BCKDHB: variants seen among roughly 807,000 people sequenced by gnomAD.
BCKDHB encodes the protein 2-oxoisovalerate dehydrogenase subunit beta, mitochondrial.
Under a neutral mutation model 48.5 loss-of-function variants are expected in BCKDHB, and 41 were observed. The observed-to-expected ratio is 0.85, with a 90% confidence interval of 0.66 to 1.10. The LOEUF (loss-of-function observed/expected upper bound fraction) is 1.10, where lower values mean the gene tolerates loss of function less well. BCKDHB is among the 50% of genes least tolerant of loss of function. The probability of loss-of-function intolerance (pLI) is 0.00; values close to 1 mark genes in which losing one functional copy is unlikely to be tolerated. For synonymous variants in BCKDHB, 201 were observed against 174.8 expected, an observed-to-expected ratio of 1.15 and a Z score of -1.18; for missense variants, 496 against 494.2, an observed-to-expected ratio of 1.00 and a Z score of -0.03.
intron 8 of BCKDHB, among the ~76,000 whole-genome samples, chr6:80,262,022 G>A (rs1777327904): frequency 6.6e-6 from 1 of 152,140 alleles, no homozygotes; most frequent in South Asian, 2.1e-4. Context: ...CACCCAAAGG[G>A]TAGAGCGTGC....
At chr6:80,366,887 G>T in the BCKDHB span, among the ~76,000 whole-genome samples, 1 of 152,230 alleles carries the variant, frequency 6.6e-6, no homozygotes, top group Non-Finnish European at 1.5e-5. Context: ...ACATCTGGCA[G>T]AATTAGGAGG....
the BCKDHB span, among the ~76,000 whole-genome samples, chr6:80,360,601 A>G: frequency 6.6e-6 from 1 of 152,202 alleles, no homozygotes; most frequent in African/African-American, 2.4e-5. Flanking sequence ...TTATTAGAAG[A>G]AATCGACTGG....
the BCKDHB span, among the ~76,000 whole-genome samples, chr6:80,424,924 T>C: frequency 6.6e-6 from 1 of 152,212 alleles, no homozygotes; most frequent in Non-Finnish European, 1.5e-5. Flanking sequence ...GGAAAGCTTG[T>C]CATAGTCTTT....
At chr6:80,360,337 A>G in the BCKDHB span, among the ~76,000 whole-genome samples, 2 of 152,186 alleles carry the variant, frequency 1.3e-5, 1 homozygote, top group South Asian at 4.1e-4. Context: ...TTCACACATC[A>G]TTGTCATTAT....
At chr6:80,128,090 A>G (rs1770436149) in intron 2 of BCKDHB, among the ~76,000 whole-genome samples, 1 of 151,902 alleles carries the variant, frequency 6.6e-6, no homozygotes, top group Non-Finnish European at 1.5e-5. Context: ...TCATTGATAC[A>G]AAACCAATTG....
chr6:80,197,375 T>A (rs993155805), intron 6 of BCKDHB, among the ~76,000 whole-genome samples: 45 of 144,630 alleles, frequency 3.1e-4, no homozygotes, highest in African/African-American at 1.3e-3. Context: ...TAAGAGGAGG[T>A]TTTTTTTTCT....
In BCKDHB at chr6:80,256,293, T is replaced by C. The variant is rs570248024; in HGVS notation, c.952-16842T>C. ...GCAAATATTACAGAGTGTACTTACATGAATCTAGAACCTAGATAGCCTACT... is the reference window on the plus strand; with the variant it reads ...GCAAATATTACAGAGTGTACTTACACGAATCTAGAACCTAGATAGCCTACT... On this transcript the variant is annotated intron_variant, in intron 8 of 9. Transcript: ENST00000320393. 3.3e-5 allele frequency among the ~76,000 whole-genome samples: 5 copies of C among 152,300 alleles called. No homozygotes were observed. In the East Asian group the frequency reaches 9.7e-4, roughly 29 times the overall value.
At chr6:80,219,244 G>T (rs1775305375) in intron 8 of BCKDHB, among the ~76,000 whole-genome samples, 1 of 144,662 alleles carries the variant, frequency 6.9e-6, no homozygotes, top group African/African-American at 2.6e-5. Context: ...TCTTGCTCTT[G>T]TCACGCAGGC....
At chr6:80,414,358 A>G in the BCKDHB span, among the ~76,000 whole-genome samples, 11 of 152,062 alleles carry the variant, frequency 7.2e-5, no homozygotes, top group South Asian at 2.1e-3. Context: ...TCTTCAGGAA[A>G]TATTTTTCAG....
intron 8 of BCKDHB, among the ~76,000 whole-genome samples, chr6:80,270,161 A>G (rs1335558186): frequency 2.6e-5 from 4 of 152,056 alleles, no homozygotes; most frequent in East Asian, 1.9e-4. Context: ...GCATATAACA[A>G]ATTTCTACTA....
the BCKDHB span, among the ~76,000 whole-genome samples, chr6:80,452,157 C>A: frequency 6.6e-6 from 1 of 152,162 alleles, no homozygotes; most frequent in African/African-American, 2.4e-5. Flanking sequence ...ATGATGATGT[C>A]ACTTAGATCT....
At chr6:80,142,859 C>T (rs917212460) in intron 3 of BCKDHB, among the ~76,000 whole-genome samples, 8 of 152,066 alleles carry the variant, frequency 5.3e-5, no homozygotes, top group African/African-American at 1.9e-4. Context: ...TAGATCAGTC[C>T]AGTTATGAAA....
At chr6:80,403,344 T>C in the BCKDHB span, among the ~76,000 whole-genome samples, 1 of 151,912 alleles carries the variant, frequency 6.6e-6, no homozygotes. Flanking sequence ...AGTATTTTTA[T>C]ACCATTGTAA....
At chr6:80,423,812 A>G in the BCKDHB span, among the ~76,000 whole-genome samples, 17 of 152,316 alleles carry the variant, frequency 1.1e-4, no homozygotes, top group Admixed American at 3.3e-4. Context: ...CTCTTTATGT[A>G]TGGGTACTGC....
At chr6:80,206,941 C>T (rs1272303675) in intron 8 of BCKDHB, among the ~76,000 whole-genome samples, 1 of 152,022 alleles carries the variant, frequency 6.6e-6, no homozygotes, top group African/African-American at 2.4e-5. Flanking sequence ...AATGGCATAA[C>T]ATCTTAAATT....
the BCKDHB span, among the ~76,000 whole-genome samples, chr6:80,399,757 T>C: frequency 6.6e-6 from 1 of 152,214 alleles, no homozygotes; most frequent in African/African-American, 2.4e-5. Context: ...TTAAAATTCT[T>C]AGGGAACCAA....
At chr6:80,365,870 G>A in the BCKDHB span, among the ~76,000 whole-genome samples, 1 of 152,282 alleles carries the variant, frequency 6.6e-6, no homozygotes, top group Admixed American at 6.5e-5. Context: ...TCCATTTGGG[G>A]TCCCTGACTT....
intron 3 of BCKDHB, among the ~76,000 whole-genome samples, chr6:80,129,485 T>A (rs906114975): frequency 6.6e-6 from 1 of 152,226 alleles, no homozygotes; most frequent in Non-Finnish European, 1.5e-5. Flanking sequence ...TATTATTTAT[T>A]GTGTCATTCT....
the BCKDHB span, among the ~76,000 whole-genome samples, chr6:80,461,038 G>A: frequency 1.1e-4 from 16 of 152,196 alleles, no homozygotes; most frequent in South Asian, 8.3e-4. Context: ...AACACTAAAC[G>A]CATAGTCTCT....
Sources: allele counts gnomAD v4.1 joint callset (sites outside exome capture counted in the v4.1 genomes callset), GRCh38; gene constraint gnomAD v4.1.1; transcripts MANE v1.5; gene names NCBI Gene and HGNC (gene_info 2026-07-23, HGNC 2026-07-21).